HCRTR2: variants seen among roughly 807,000 people sequenced by gnomAD.
HCRTR2 encodes the protein hypocretin receptor 2.
A neutral mutation model predicts 49.0 loss-of-function variants in HCRTR2; 22 were observed. The ratio of observed to expected loss-of-function variants is 0.45; its 90% CI spans 0.32 to 0.64. The LOEUF (loss-of-function observed/expected upper bound fraction) is 0.64, where lower values mean the gene tolerates loss of function less well. Among genes scored for constraint, HCRTR2 ranks in the 30% least tolerant of loss-of-function variants. The pLI, the probability that HCRTR2 is intolerant of heterozygous loss-of-function variation, is 0.04. For synonymous variants in HCRTR2, 236 were observed against 205.3 expected (o/e 1.15, Z -1.28); for missense variants, 491 against 559.4 (o/e 0.88, Z 1.23).
intron 1 of HCRTR2, among the ~76,000 whole-genome samples, chr6:55,129,499 G>A (rs1249780852): frequency 6.6e-6 from 1 of 152,082 alleles, no homozygotes; most frequent in Non-Finnish European, 1.5e-5. Context: ...TATTAAAATA[G>A]TGATGGAACA....
chr6:55,125,810 T>G (rs1764267038), intron 1 of HCRTR2, among the ~76,000 whole-genome samples: 1 of 107,708 alleles, frequency 9.3e-6, no homozygotes, highest in South Asian at 3.0e-4. Context: ...CTTTGTTCAT[T>G]GCTTTTTATT....
intron 3 of HCRTR2, among the ~76,000 whole-genome samples, chr6:55,261,224 A>G (rs1766749200): frequency 6.6e-6 from 1 of 152,138 alleles, no homozygotes; most frequent in Non-Finnish European, 1.5e-5. Flanking sequence ...TCTACAGGGA[A>G]CTCAAACAAA....
intron 3 of HCRTR2, among the ~76,000 whole-genome samples, chr6:55,257,237 G>A (rs1198494995): frequency 6.6e-6 from 1 of 152,032 alleles, no homozygotes; most frequent in Non-Finnish European, 1.5e-5. Context: ...TTTTACACTG[G>A]TTTATATTTA....
At chr6:55,169,024 T>C (rs1019073016) in intron 1 of HCRTR2, among the ~76,000 whole-genome samples, 2 of 151,824 alleles carry the variant, frequency 1.3e-5, no homozygotes, top group Non-Finnish European at 2.9e-5. Context: ...CTTTTCCATA[T>C]GGTTTCATTG....
At chr6:55,262,880 CGTAA>C (rs1323251310) in intron 3 of HCRTR2, among the ~76,000 whole-genome samples, 31 of 150,124 alleles carry the variant, frequency 2.1e-4, no homozygotes, top group South Asian at 8.4e-4. Flanking sequence ...TCGACTTATT[CGTAA>C]GTGTCTAATC....
At chr6:55,183,630 A>G (rs1399253721) in intron 1 of HCRTR2, among the ~76,000 whole-genome samples, 1 of 152,184 alleles carries the variant, frequency 6.6e-6, no homozygotes, top group Non-Finnish European at 1.5e-5. Context: ...GAATAAATAC[A>G]TGAGGGGAAA....
At chr6:55,129,581 GTCTT>G (rs1764326446) in intron 1 of HCRTR2, among the ~76,000 whole-genome samples, 2 of 151,928 alleles carry the variant, frequency 1.3e-5, no homozygotes, top group Admixed American at 1.3e-4. Flanking sequence ...CTCTTTTCCA[GTCTT>G]TGTGTTCTGA....
chr6:55,226,770 G>C (rs536863336), intron 1 of HCRTR2, among the ~76,000 whole-genome samples: 1 of 137,896 alleles, frequency 7.3e-6, no homozygotes, highest in Non-Finnish European at 1.5e-5. Context: ...CAGGCCTGGA[G>C]TGCAGTGGTG....
At chr6:55,124,730 A>T (rs1462714930) in intron 1 of HCRTR2, among the ~76,000 whole-genome samples, 3 of 152,064 alleles carry the variant, frequency 2.0e-5, no homozygotes, top group Admixed American at 2.0e-4. Context: ...TCCCACTATT[A>T]TTGTGTGGTA....
intron 1 of HCRTR2, among the ~76,000 whole-genome samples, chr6:55,112,292 G>A (rs532479592): frequency 1.6e-4 from 24 of 151,786 alleles, no homozygotes; most frequent in South Asian, 4.2e-4. Context: ...AGTTTTAGCC[G>A]GAGCAATTAG....
chr6:55,264,614 G>A (rs1339622343), intron 4 of HCRTR2, among the ~76,000 whole-genome samples: 1 of 152,010 alleles, frequency 6.6e-6, no homozygotes, highest in Non-Finnish European at 1.5e-5. Flanking sequence ...TACAGGAAAG[G>A]TAACATTTAA....
chr6:55,163,957 G>C (rs765611936), intron 1 of HCRTR2, among the ~76,000 whole-genome samples: 1 of 152,056 alleles, frequency 6.6e-6, no homozygotes, highest in Admixed American at 6.6e-5. Flanking sequence ...TCAAAAAGTG[G>C]GTGAAGGATG....
intron 4 of HCRTR2, among the ~76,000 whole-genome samples, chr6:55,273,997 T>C (rs1248564326): frequency 6.6e-6 from 1 of 151,926 alleles, no homozygotes; most frequent in Non-Finnish European, 1.5e-5. Flanking sequence ...GAATAAATTC[T>C]TTTTTTAAAT....
intron 1 of HCRTR2, among the ~76,000 whole-genome samples, chr6:55,119,910 C>T (rs1320338047): frequency 2.6e-5 from 4 of 152,034 alleles, no homozygotes; most frequent in South Asian, 4.2e-4. Flanking sequence ...TTAGGTCTTA[C>T]GTTTAAGTCT....
In HCRTR2 at chr6:55,154,822, AAAAC is replaced by A. The variant is rs1451401669; in HGVS notation, c.-377-19379_-377-19376del. On this transcript the variant is annotated intron_variant, in intron 1 of 7. Coordinates refer to the HCRTR2 transcript ENST00000615358. ...TGTAGACAACCTTAAAGATTCCACA[AAAAC>A]AAACAAACACACAAACAAACAAAAT... Among the ~76,000 whole-genome samples, 29 of 151,980 alleles carry A rather than the reference AAAAC, an allele frequency of 1.9e-4. No homozygotes were observed. In the East Asian group the frequency reaches 3.9e-3, roughly 20 times the overall value.
intron 3 of HCRTR2, among the ~76,000 whole-genome samples, chr6:55,257,270 C>T (rs1482706257): frequency 6.6e-6 from 1 of 152,006 alleles, no homozygotes; most frequent in Non-Finnish European, 1.5e-5. Context: ...AGGTCTTTCT[C>T]AGAATCCTGT....
At chr6:55,177,365 G>T (rs189013227) in intron 1 of HCRTR2, among the ~76,000 whole-genome samples, 8 of 152,330 alleles carry the variant, frequency 5.3e-5, no homozygotes, top group South Asian at 4.1e-4. Flanking sequence ...CAAACGAGTA[G>T]TGTCGTTACT....
At chr6:55,137,537 G>T (rs1764449285) in intron 1 of HCRTR2, among the ~76,000 whole-genome samples, 1 of 152,164 alleles carries the variant, frequency 6.6e-6, no homozygotes, top group Non-Finnish European at 1.5e-5. Context: ...CTTCAGACAG[G>T]TAGGGCTGTG....
chr6:55,259,360 T>A (rs1766712547), intron 3 of HCRTR2, among the ~76,000 whole-genome samples: 1 of 152,110 alleles, frequency 6.6e-6, no homozygotes, highest in African/African-American at 2.4e-5. Context: ...AGGGAGAAGA[T>A]AGTAAAACAT....
Sources: allele counts gnomAD v4.1 joint callset (sites outside exome capture counted in the v4.1 genomes callset), GRCh38; gene constraint gnomAD v4.1.1; transcripts MANE v1.5; gene names NCBI Gene and HGNC (gene_info 2026-07-23, HGNC 2026-07-21).